SYNPR: variants seen among roughly 807,000 people sequenced by gnomAD.
SYNPR encodes synaptoporin.
In SYNPR, 23 loss-of-function variants were observed where a neutral mutation model predicts 32.9. That is an observed-to-expected ratio of 0.70 (90% CI 0.50 to 0.99). SYNPR has a LOEUF of 0.99. SYNPR is among the 50% of genes least tolerant of loss of function. The probability of loss-of-function intolerance (pLI) is 0.00; values close to 1 mark genes in which losing one functional copy is unlikely to be tolerated. For synonymous variants in SYNPR, 146 were observed against 135.9 expected (o/e 1.07, Z -0.52); for missense variants, 318 against 349.3 (o/e 0.91, Z 0.71).
At chr3:63,352,802 C>G (rs539196337) in intron 2 of SYNPR, among the ~76,000 whole-genome samples, 1 of 152,204 alleles carries the variant, frequency 6.6e-6, no homozygotes, top group African/African-American at 2.4e-5. Flanking sequence ...TGGTGGCAGA[C>G]AAGAAAGCAT....
intron 4 of SYNPR, among the ~76,000 whole-genome samples, chr3:63,581,816 C>T (rs943657487): frequency 2.0e-5 from 3 of 152,026 alleles, no homozygotes; most frequent in Non-Finnish European, 4.4e-5. Context: ...TAAAACTCAT[C>T]TCCCCTCATG....
chr3:63,524,083 T>A (rs368141288), intron 3 of SYNPR, among the ~76,000 whole-genome samples: 3 of 148,372 alleles, frequency 2.0e-5, no homozygotes, highest in African/African-American at 2.5e-5. Flanking sequence ...CTCATTTCTG[T>A]AAAAAAAAAA....
intron 2 of SYNPR, among the ~76,000 whole-genome samples, chr3:63,311,585 C>A (rs966412046): frequency 6.6e-6 from 1 of 151,980 alleles, no homozygotes; most frequent in African/African-American, 2.4e-5. Context: ...ATCCATCTCC[C>A]TGCCAACACC....
At chr3:63,486,664 A>G (rs1701160868) in intron 3 of SYNPR, among the ~76,000 whole-genome samples, 1 of 152,186 alleles carries the variant, frequency 6.6e-6, no homozygotes, top group African/African-American at 2.4e-5. Flanking sequence ...AGATTGATCA[A>G]CTGCTTGATT....
chr3:63,548,528 C>G (rs11917249), intron 3 of SYNPR, among the ~76,000 whole-genome samples: 162 of 152,132 alleles, frequency 1.1e-3, no homozygotes, highest in African/African-American at 3.9e-3. Context: ...ACTTATTACA[C>G]ACATACACAT....
chr3:63,421,356 C>T (rs1323058841), intron 2 of SYNPR, among the ~76,000 whole-genome samples: 1 of 151,300 alleles, frequency 6.6e-6, no homozygotes, highest in Non-Finnish European at 1.5e-5. Flanking sequence ...AAACCACCAA[C>T]TGTTAATTAA....
At chr3:63,265,485 C>G (rs1473190971) in intron 2 of SYNPR, among the ~76,000 whole-genome samples, 1 of 152,122 alleles carries the variant, frequency 6.6e-6, no homozygotes, top group African/African-American at 2.4e-5. Context: ...TTCCTGACCT[C>G]AAGTGATCCA....
intron 2 of SYNPR, among the ~76,000 whole-genome samples, chr3:63,403,311 T>C (rs1037233156): frequency 3.9e-5 from 6 of 152,068 alleles, no homozygotes; most frequent in Admixed American, 2.0e-4. Flanking sequence ...CATTAAATAA[T>C]AGAGTCCACG....
intron 2 of SYNPR, among the ~76,000 whole-genome samples, chr3:63,329,421 C>G (rs747726629): frequency 2.0e-5 from 3 of 152,106 alleles, no homozygotes; most frequent in Non-Finnish European, 4.4e-5. Context: ...AAATCTAGTC[C>G]TTTAACCAAC....
At chr3:63,257,790 C>G (rs1243584348) in intron 2 of SYNPR, among the ~76,000 whole-genome samples, 7 of 152,116 alleles carry the variant, frequency 4.6e-5, no homozygotes, top group African/African-American at 1.7e-4. Context: ...GATAAAGAGT[C>G]AAGACCCATC....
At chr3:63,592,410 C>A (rs1434120358) in intron 4 of SYNPR, among the ~76,000 whole-genome samples, 1 of 151,760 alleles carries the variant, frequency 6.6e-6, no homozygotes, top group Non-Finnish European at 1.5e-5. Context: ...CATATCAAAC[C>A]CAATTGCAAA....
intron 3 of SYNPR, among the ~76,000 whole-genome samples, chr3:63,494,197 C>CA (rs1178297391): frequency 6.6e-6 from 1 of 150,642 alleles, no homozygotes; most frequent in African/African-American, 2.4e-5. Context: ...GAAAGAAAAA[C>CA]AAAAAACTTG....
intron 2 of SYNPR, among the ~76,000 whole-genome samples, chr3:63,298,983 A>G (rs1286751074): frequency 6.6e-6 from 1 of 152,160 alleles, no homozygotes; most frequent in Non-Finnish European, 1.5e-5. Flanking sequence ...TAGAGAATAA[A>G]TCTTTGGGAA....
intron 4 of SYNPR, among the ~76,000 whole-genome samples, chr3:63,565,692 A>G (rs1702771235): frequency 6.6e-6 from 1 of 152,190 alleles, no homozygotes; most frequent in South Asian, 2.1e-4. Context: ...GTGAGGACAC[A>G]GCATTCCTCC....
chr3:63,240,476 G>A (rs1431125327), intron 1 of SYNPR, among the ~76,000 whole-genome samples: 1 of 152,070 alleles, frequency 6.6e-6, no homozygotes, highest in Non-Finnish European at 1.5e-5. Flanking sequence ...TGCTATGGGG[G>A]CCTCCGAAGT....
At chr3:63,516,579 A>G (rs531854275) in intron 3 of SYNPR, among the ~76,000 whole-genome samples, 1 of 152,264 alleles carries the variant, frequency 6.6e-6, no homozygotes, top group Non-Finnish European at 1.5e-5. Context: ...AGACAAATGA[A>G]GTCTCACCTT....
intron 3 of SYNPR, among the ~76,000 whole-genome samples, chr3:63,498,066 C>A (rs2106730500): frequency 6.6e-6 from 1 of 152,236 alleles, no homozygotes; most frequent in Middle Eastern, 3.4e-3. Flanking sequence ...ACGTGTTGAA[C>A]TTTTGAGCCC....
At chr3:63,308,912 A>T (rs979521475) in intron 2 of SYNPR, among the ~76,000 whole-genome samples, 1 of 151,920 alleles carries the variant, frequency 6.6e-6, no homozygotes, top group Non-Finnish European at 1.5e-5. Context: ...TATAGTTTTC[A>T]TCAAGTTTTG....
At chr3:63,504,289 A>T (rs1336954551) in intron 3 of SYNPR, among the ~76,000 whole-genome samples, 1 of 152,194 alleles carries the variant, frequency 6.6e-6, no homozygotes. Context: ...AGATCTTGCA[A>T]AGAAAATCTC....
Sources: gnomAD v4.1 joint callset for allele counts (sites outside exome capture counted in the v4.1 genomes callset) on GRCh38, gnomAD v4.1.1 for gene constraint, MANE v1.5 for transcripts, NCBI Gene and HGNC (gene_info 2026-07-23, HGNC 2026-07-21) for gene names.